Variants in RIMS2 observed in about 807,000 individuals in gnomAD.
RIMS2 encodes regulating synaptic membrane exocytosis 2.
Under a neutral mutation model 174.4 loss-of-function variants are expected in RIMS2, and 59 were observed. The observed-to-expected ratio is 0.34, with a 90% CI of 0.27 to 0.42. The LOEUF is 0.42. RIMS2 is among the 10% of genes least tolerant of loss of function. The probability of loss-of-function intolerance (pLI) is 1.00; values close to 1 mark genes in which losing one functional copy is unlikely to be tolerated. For missense variants in RIMS2, 1,620 were observed against 1,666.3 expected (o/e 0.97, Z 0.48); for synonymous variants, 606 against 572.5 (o/e 1.06, Z -0.84).
At chr8:104,075,278 A>G (rs535908265) in intron 19 of RIMS2, among the ~76,000 whole-genome samples, 29 of 152,352 alleles carry the variant, frequency 1.9e-4, no homozygotes, top group African/African-American at 6.7e-4. Flanking sequence ...GAGGATTCTA[A>G]TAGGCATGAT....
intron 20 of RIMS2, 54 bp from the exon 27 acceptor site, chr8:104,248,647 C>T (rs1588230412): frequency 2.1e-6 from 2 of 962,748 alleles, no homozygotes; most frequent in East Asian, 2.4e-5. Context: ...ACCAAGCTTA[C>T]CTGAAAATAA....
intron 19 of RIMS2, among the ~76,000 whole-genome samples, chr8:104,088,818 GTATATCATTCTAA>G (rs1459140285): frequency 4.6e-5 from 7 of 151,972 alleles, no homozygotes; most frequent in Non-Finnish European, 7.4e-5. Context: ...ATTTTTTTAA[GTATATCATTCTAA>G]TATATCATTC....
At chr8:103,711,814 T>C (rs922643205) in intron 2 of RIMS2, among the ~76,000 whole-genome samples, 2 of 151,944 alleles carry the variant, frequency 1.3e-5, no homozygotes, top group African/African-American at 4.8e-5. Context: ...GGAGGATCGC[T>C]TGAGCCTGGG....
intron 3 of RIMS2, among the ~76,000 whole-genome samples, chr8:103,855,993 C>G (rs2099025565): frequency 1.3e-5 from 2 of 152,112 alleles, no homozygotes; most frequent in Non-Finnish European, 2.9e-5. Context: ...TTGTCTAAGT[C>G]TTTTCGTAGG....
intron 19 of RIMS2, among the ~76,000 whole-genome samples, chr8:104,242,232 T>C (rs986172843): frequency 6.6e-6 from 1 of 151,972 alleles, no homozygotes; most frequent in Admixed American, 6.6e-5. Context: ...TTGGTTGTTG[T>C]TTTGTTGTTT....
chr8:104,203,927 A>C (rs2137177912), intron 19 of RIMS2, among the ~76,000 whole-genome samples: 1 of 152,352 alleles, frequency 6.6e-6, no homozygotes. Context: ...GGCTACAGCT[A>C]CTTCTCAATT....
chr8:103,589,079 A>C (rs1181101076), intron 1 of RIMS2, among the ~76,000 whole-genome samples: 1 of 151,710 alleles, frequency 6.6e-6, no homozygotes, highest in Non-Finnish European at 1.5e-5. Context: ...GAAAGAAATA[A>C]AGGGCATCTA....
intron 17 of RIMS2, among the ~76,000 whole-genome samples, chr8:104,008,991 A>G (rs1042844361): frequency 5.9e-5 from 9 of 152,066 alleles, no homozygotes; most frequent in African/African-American, 1.9e-4. Flanking sequence ...AATATTTTGT[A>G]TCTTGCAATC....
chr8:103,910,406 G>T (rs1033329888), intron 5 of RIMS2: 3 of 1,596,954 alleles, frequency 1.9e-6, no homozygotes, highest in African/African-American at 2.7e-5. Context: ...AAAAGGAAAT[G>T]ATGTACTTTG....
At chr8:104,061,456 A>T (rs2096987561) in intron 19 of RIMS2, among the ~76,000 whole-genome samples, 1 of 152,006 alleles carries the variant, frequency 6.6e-6, no homozygotes, top group Admixed American at 6.6e-5. Context: ...TTCTTATAAA[A>T]GTAACATGCA....
intron 1 of RIMS2, among the ~76,000 whole-genome samples, chr8:103,664,077 A>G (rs2096637482): frequency 6.6e-6 from 1 of 152,234 alleles, no homozygotes; most frequent in South Asian, 2.1e-4. Flanking sequence ...GGCTAGCCAT[A>G]TGTAGAAAGC....
chr8:103,661,082 A>G (rs2096594445), intron 1 of RIMS2, among the ~76,000 whole-genome samples: 1 of 152,176 alleles, frequency 6.6e-6, no homozygotes, highest in Non-Finnish European at 1.5e-5. Flanking sequence ...GTCCAGCACC[A>G]TTATTTTGGC....
At chr8:104,027,945 T>C (rs1243045639) in intron 19 of RIMS2, among the ~76,000 whole-genome samples, 1 of 152,144 alleles carries the variant, frequency 6.6e-6, no homozygotes, top group East Asian at 1.9e-4. Context: ...TATTTTATTT[T>C]ATTTAGAGAA....
intron 1 of RIMS2, among the ~76,000 whole-genome samples, chr8:103,562,040 G>T (rs981656278): frequency 1.3e-5 from 2 of 152,176 alleles, no homozygotes; most frequent in African/African-American, 2.4e-5. Flanking sequence ...CCATTATTCA[G>T]TTACCTCCCA....
intron 3 of RIMS2, among the ~76,000 whole-genome samples, chr8:103,816,177 T>G (rs2098717182): frequency 6.6e-6 from 1 of 152,152 alleles, no homozygotes; most frequent in African/African-American, 2.4e-5. Context: ...TGTTTTTGAT[T>G]GCAAATATTG....
At chr8:103,788,256 T>C (rs371201463) in intron 3 of RIMS2, among the ~76,000 whole-genome samples, 1 of 151,184 alleles carries the variant, frequency 6.6e-6, no homozygotes, top group African/African-American at 2.4e-5. Flanking sequence ...CGTCTGAAGC[T>C]TTCTTCTCTC....
intron 3 of RIMS2, among the ~76,000 whole-genome samples, chr8:103,881,415 C>T (rs1408653808): frequency 6.6e-6 from 1 of 151,332 alleles, no homozygotes; most frequent in African/African-American, 2.4e-5. Flanking sequence ...ATGGTAAAGC[C>T]TGTAAATATT....
Position 103,899,219 on chromosome 8 carries a change from T to A in RIMS2, c.1625-10915T>A, listed in dbSNP as rs577458900. ...GTCTTTATAGCAGCATGATTTATAG[T>A]CCTTTGGGTATATACCCAGTAATGG... is the stretch of plus-strand genomic sequence containing the variant. On this transcript the variant is annotated intron_variant, in intron 4 of 23. Coordinates refer to ENST00000504942, the Ensembl canonical transcript of RIMS2. Among the ~76,000 whole-genome samples the A allele has an allele frequency of 4.5e-3, 687 of 151,856 alleles. 3 individuals carry two copies. Among genetic ancestry groups the A allele is most frequent in the Non-Finnish European group, 7.3e-3 (496 of 68,024 alleles).
intron 19 of RIMS2, among the ~76,000 whole-genome samples, chr8:104,185,192 A>G (rs1161233128): frequency 6.6e-6 from 1 of 151,566 alleles, no homozygotes; most frequent in Admixed American, 6.6e-5. Flanking sequence ...AGAATAAGGC[A>G]TACGATCTTG....
Sources: gnomAD v4.1 joint callset for allele counts (sites outside exome capture counted in the v4.1 genomes callset) on GRCh38, gnomAD v4.1.1 for gene constraint, MANE v1.5 for transcripts, NCBI Gene and HGNC (gene_info 2026-07-23, HGNC 2026-07-21) for gene names.